The following SYT9 variants were observed in gnomAD, a reference collection of about 807,000 sequenced individuals.
SYT9 encodes the protein synaptotagmin 9.
A neutral mutation model predicts 48.4 loss-of-function variants in SYT9; 22 were observed. That is an observed-to-expected ratio of 0.45 (90% CI 0.32 to 0.65). SYT9 has a LOEUF of 0.65. Ranked by LOEUF, SYT9 falls within the 30% of genes least tolerant of loss-of-function variation. SYT9 has a pLI of 0.03. For synonymous variants in SYT9, 265 were observed against 245.0 expected (o/e 1.08, Z -0.76); for missense variants, 577 against 622.0 (o/e 0.93, Z 0.77).
intron 1 of SYT9, among the ~76,000 whole-genome samples, chr11:7,267,752 A>G (rs965353535): frequency 6.6e-6 from 1 of 151,956 alleles, no homozygotes; most frequent in African/African-American, 2.4e-5. Flanking sequence ...GAAATTACTG[A>G]ATTAGAAAGT....
In SYT9 at chr11:7,454,466, C is replaced by T. The variant is rs151234916; in HGVS notation, c.1468-12326C>T. ...GACACAGTCCCTTTCCCCATTCCCC[C>T]AAAGCATGCAAATGCCAGACTATAG... On this transcript the variant is annotated intron_variant, in intron 6 of 6. Transcript: ENST00000318881. 8.0e-3 allele frequency among the ~76,000 whole-genome samples: 1,222 copies of T among 152,264 alleles called. 20 individuals are homozygous for T. Among genetic ancestry groups the T allele is most frequent in the African/African-American group, 0.028 (1,156 of 41,540 alleles).
intron 3 of SYT9, among the ~76,000 whole-genome samples, chr11:7,362,738 G>A (rs1279194594): frequency 6.6e-6 from 1 of 152,016 alleles, no homozygotes; most frequent in Non-Finnish European, 1.5e-5. Context: ...CAACATTAAT[G>A]TGTTATATCT....
At chr11:7,250,934 A>T (rs1022487073), upstream of SYT9, among the ~76,000 whole-genome samples, 2 of 152,140 alleles carry the variant, frequency 1.3e-5, no homozygotes, top group Admixed American at 6.5e-5. Flanking sequence ...AAAGAGAGAA[A>T]ATCAAAGCTA....
At chr11:7,325,233 C>T (rs1269497330) in intron 3 of SYT9, among the ~76,000 whole-genome samples, 1 of 76,782 alleles carries the variant, frequency 1.3e-5, no homozygotes, top group Non-Finnish European at 2.8e-5. Context: ...ATTGATTCTT[C>T]CTACCCATGA....
At chr11:7,281,978 G>A (rs995564767) in intron 1 of SYT9, among the ~76,000 whole-genome samples, 1 of 152,116 alleles carries the variant, frequency 6.6e-6, no homozygotes, top group Non-Finnish European at 1.5e-5. Flanking sequence ...TATGACACAG[G>A]GGATACTTAA....
At chr11:7,359,101 T>C (rs567016557) in intron 3 of SYT9, among the ~76,000 whole-genome samples, 133 of 146,442 alleles carry the variant, frequency 9.1e-4, no homozygotes, top group Middle Eastern at 3.5e-3. Flanking sequence ...ATATGCAGTG[T>C]TTGGTTTTTT....
At chr11:7,432,829 C>G (rs1357145187) in intron 6 of SYT9, among the ~76,000 whole-genome samples, 1 of 151,406 alleles carries the variant, frequency 6.6e-6, no homozygotes, top group Non-Finnish European at 1.5e-5. Context: ...TCAGATGAGA[C>G]TTTGGACTTT....
intron 3 of SYT9, among the ~76,000 whole-genome samples, chr11:7,392,914 G>A (rs577122560): frequency 1.6e-3 from 236 of 152,064 alleles, no homozygotes; most frequent in Non-Finnish European, 2.9e-3. Flanking sequence ...CATTATTGTT[G>A]TACAGAAATG....
intron 3 of SYT9, among the ~76,000 whole-genome samples, chr11:7,401,590 A>G (rs555040910): frequency 2.0e-5 from 3 of 151,464 alleles, no homozygotes; most frequent in East Asian, 1.9e-4. Flanking sequence ...CAAGCTATCT[A>G]TTTTTTCTTT....
At chr11:7,322,617 G>C (rs980328679) in intron 3 of SYT9, among the ~76,000 whole-genome samples, 2 of 152,150 alleles carry the variant, frequency 1.3e-5, no homozygotes, top group African/African-American at 4.8e-5. Flanking sequence ...CTCTGACGAA[G>C]AGACTTTAAT....
chr11:7,265,526 C>T (rs921556756), intron 1 of SYT9, among the ~76,000 whole-genome samples: 1 of 152,158 alleles, frequency 6.6e-6, no homozygotes, highest in Non-Finnish European at 1.5e-5. Context: ...AAATGACATG[C>T]ACTTACGGCC....
intron 3 of SYT9, among the ~76,000 whole-genome samples, chr11:7,353,693 C>G (rs200228348): frequency 1.4e-5 from 1 of 71,774 alleles, no homozygotes; most frequent in Non-Finnish European, 3.2e-5. Context: ...GTTCGATCCT[C>G]TGTTATAGTA....
chr11:7,363,200 C>G (rs1467736524), intron 3 of SYT9, among the ~76,000 whole-genome samples: 3 of 151,846 alleles, frequency 2.0e-5, no homozygotes, highest in Non-Finnish European at 4.4e-5. Flanking sequence ...GGAATCTACT[C>G]TTGCTGCTAC....
intron 6 of SYT9, chr11:7,437,670 C>A (rs560209285): frequency 1.3e-5 from 2 of 151,960 alleles, no homozygotes; most frequent in African/African-American, 4.8e-5. Flanking sequence ...ATTGTCATCA[C>A]ATATTTTCAC....
In SYT9 at chr11:7,313,378, G is replaced by T; in HGVS notation, c.498-17G>T. The T allele has an allele frequency of 6.3e-7, 1 of 1,594,308 alleles. No homozygotes were observed. Among genetic ancestry groups the T allele is most frequent in the Non-Finnish European group, 8.5e-7 (1 of 1,172,320 alleles). ...TAATAAGGTTATAACTTTGTTCTGT[G>T]TTGCTCTTCATTCAAGGCATAATTC... On this transcript the variant is annotated splice_polypyrimidine_tract_variant and intron_variant, in intron 2 of 6. Coordinates refer to ENST00000318881, the MANE Select transcript of SYT9 (RefSeq NM_175733.4).
chr11:7,254,435 C>T (rs1487859), intron 1 of SYT9, among the ~76,000 whole-genome samples: 79,668 of 152,028 alleles, frequency 0.52, 21,065 homozygotes, highest in Admixed American at 0.56. Flanking sequence ...CATTTCCCTC[C>T]TTCCTTGCCT....
intron 3 of SYT9, among the ~76,000 whole-genome samples, chr11:7,372,741 A>T (rs1850385237): frequency 6.6e-6 from 1 of 152,072 alleles, no homozygotes; most frequent in Non-Finnish European, 1.5e-5. Flanking sequence ...GTTATATTGG[A>T]TTTCCAGCTA....
intron 3 of SYT9, among the ~76,000 whole-genome samples, chr11:7,316,038 AT>A (rs1353348908): frequency 7.1e-6 from 1 of 141,108 alleles, no homozygotes; most frequent in East Asian, 2.6e-4. Flanking sequence ...ATTACATTCC[AT>A]TTTAAAAAAT....
rs1333979154 is a variant in SYT9 at position 7,408,668 on chromosome 11, TG to T, written c.1045-7373del. ...AGTATATAGAAATGCTACTGATTTTTGTATGTTGATTTGCATTCTGAAACTT... is the reference window on the plus strand; with the variant it reads ...AGTATATAGAAATGCTACTGATTTTTTATGTTGATTTGCATTCTGAAACTT... On this transcript the variant is annotated intron_variant, in intron 3 of 6. Coordinates refer to ENST00000318881, the MANE Select transcript of SYT9 (RefSeq NM_175733.4). 2.6e-5 allele frequency among the ~76,000 whole-genome samples: 4 copies of T among 152,234 alleles called. No individual in the cohort carries two copies. The East Asian group carries it at 7.7e-4, about 29-fold the overall frequency.
Sources: gnomAD v4.1 joint callset for allele counts (sites outside exome capture counted in the v4.1 genomes callset) on GRCh38, gnomAD v4.1.1 for gene constraint, MANE v1.5 for transcripts, NCBI Gene and HGNC (gene_info 2026-07-23, HGNC 2026-07-21) for gene names.